The following CADM2 variants were observed in gnomAD, a reference collection of about 807,000 sequenced individuals.
CADM2 encodes cell adhesion molecule 2, also known as immunoglobulin superfamily member 4D.
CADM2 carries 12 observed loss-of-function variants against 49.8 expected under a neutral mutation model. That is an observed-to-expected ratio of 0.24 (90% confidence interval 0.15 to 0.39). The LOEUF is 0.39. Ranked by LOEUF, CADM2 falls within the 10% of genes least tolerant of loss-of-function variation. The pLI, the probability that CADM2 is intolerant of heterozygous loss-of-function variation, is 1.00. For synonymous variants in CADM2, 214 were observed against 175.4 expected (o/e 1.22, Z -1.74); for missense variants, 378 against 492.3 (o/e 0.77, Z 2.20).
intron 1 of CADM2, among the ~76,000 whole-genome samples, chr3:85,271,193 T>C (rs1410495141): frequency 6.6e-6 from 1 of 151,402 alleles, no homozygotes; most frequent in African/African-American, 2.4e-5. Context: ...GTGAATTCAA[T>C]CTCTAATTTG....
chr3:85,557,138 T>A (rs550125369), intron 1 of CADM2, among the ~76,000 whole-genome samples: 123 of 152,174 alleles, frequency 8.1e-4, no homozygotes, highest in Non-Finnish European at 1.4e-3. Context: ...TTTATCTTAA[T>A]ACATCTAGAT....
chr3:85,140,464 A>G (rs2039544277), intron 1 of CADM2, among the ~76,000 whole-genome samples: 1 of 152,326 alleles, frequency 6.6e-6, no homozygotes, highest in East Asian at 1.9e-4. Flanking sequence ...GTACATTGGT[A>G]GTATATCTTA....
intron 9 of CADM2, 104 bp downstream of exon 9, chr3:86,065,834 A>T: frequency 9.2e-7 from 1 of 1,081,166 alleles, no homozygotes; most frequent in Non-Finnish European, 1.3e-6. Flanking sequence ...ACATGTGTAG[A>T]ATAGGGAGAT....
intron 1 of CADM2, among the ~76,000 whole-genome samples, chr3:85,599,455 GA>G (rs2063335406): frequency 6.6e-6 from 1 of 151,856 alleles, no homozygotes; most frequent in African/African-American, 2.4e-5. Context: ...AGCAGAGCTC[GA>G]ACTCTGTTCA....
At position 85,117,616 on chromosome 3, in the gene CADM2, A is replaced by G. The variant is rs557078781; in HGVS notation, c.61+157948A>G. On this transcript the variant is annotated intron_variant, in intron 1 of 9. Transcript: ENST00000383699. The stretch of plus-strand genomic sequence containing the variant: ...AATATAGCATTACAGTTGTAAAATG[A>G]TAAACATAATATCACTAATGAATTG... 2.1e-4 allele frequency among the ~76,000 whole-genome samples: 32 copies of G among 152,320 alleles called. 1 individual carries two copies. In the South Asian group the frequency reaches 5.4e-3, roughly 26 times the overall value.
chr3:85,541,100 TAAA>T (rs765800437), intron 1 of CADM2, among the ~76,000 whole-genome samples: 2 of 151,262 alleles, frequency 1.3e-5, no homozygotes, highest in Non-Finnish European at 2.9e-5. Context: ...ATTATTATAA[TAAA>T]ATATAATCTA....
chr3:85,901,925 G>A (rs1716182336), intron 5 of CADM2, among the ~76,000 whole-genome samples: 2 of 152,138 alleles, frequency 1.3e-5, no homozygotes, highest in South Asian at 4.2e-4. Flanking sequence ...CTTAGCATAA[G>A]CTAATATCAT....
chr3:85,522,927 A>G (rs551894424), intron 1 of CADM2, among the ~76,000 whole-genome samples: 18 of 151,818 alleles, frequency 1.2e-4, no homozygotes, highest in African/African-American at 4.1e-4. Flanking sequence ...AAGAAACACA[A>G]TGTAATTTTA....
intron 1 of CADM2, among the ~76,000 whole-genome samples, chr3:85,123,569 A>C (rs2038933547): frequency 6.6e-6 from 1 of 152,122 alleles, no homozygotes; most frequent in Admixed American, 6.6e-5. Flanking sequence ...CATTTATTTA[A>C]GTGGATGATT....
intron 2 of CADM2, among the ~76,000 whole-genome samples, chr3:85,755,336 A>G (rs906155398): frequency 1.3e-5 from 2 of 152,296 alleles, no homozygotes; most frequent in Middle Eastern, 6.8e-3. Flanking sequence ...ACAACCCAGG[A>G]ATAGCCAAAT....
At chr3:85,190,619 G>T (rs2041186034) in intron 1 of CADM2, among the ~76,000 whole-genome samples, 1 of 152,144 alleles carries the variant, frequency 6.6e-6, no homozygotes, top group East Asian at 1.9e-4. Flanking sequence ...TAAAAGAAAG[G>T]CGATAATTTT....
intron 2 of CADM2, among the ~76,000 whole-genome samples, chr3:85,733,629 G>C (rs1204974357): frequency 1.3e-5 from 2 of 152,034 alleles, no homozygotes; most frequent in Non-Finnish European, 2.9e-5. Context: ...AAATAGGTTT[G>C]AGCTTCACTG....
intron 1 of CADM2, among the ~76,000 whole-genome samples, chr3:85,138,986 A>G (rs1187162093): frequency 1.3e-5 from 2 of 152,182 alleles, no homozygotes; most frequent in African/African-American, 2.4e-5. Flanking sequence ...GTAACACAGC[A>G]CATTTGAGTT....
chr3:85,491,375 T>C (rs976555602), intron 1 of CADM2, among the ~76,000 whole-genome samples: 1 of 152,218 alleles, frequency 6.6e-6, no homozygotes, highest in Non-Finnish European at 1.5e-5. Context: ...TTTGGTTTGG[T>C]TGAATTGAAT....
At chr3:85,182,789 TGTCTA>T (rs1014426893) in intron 1 of CADM2, among the ~76,000 whole-genome samples, 1 of 152,104 alleles carries the variant, frequency 6.6e-6, no homozygotes, top group Non-Finnish European at 1.5e-5. Context: ...TTATTGTGCT[TGTCTA>T]AAGTGCTTTT....
At chr3:85,119,721 T>A (rs1189243414) in intron 1 of CADM2, among the ~76,000 whole-genome samples, 2 of 152,224 alleles carry the variant, frequency 1.3e-5, no homozygotes, top group African/African-American at 2.4e-5. Flanking sequence ...ATCACTTCTC[T>A]TGTAAGTTTT....
chr3:86,033,648 C>T (rs1214578212), intron 8 of CADM2, among the ~76,000 whole-genome samples: 1 of 146,392 alleles, frequency 6.8e-6, no homozygotes, highest in Non-Finnish European at 1.5e-5. Context: ...TTCTGATCCA[C>T]TTCATTTCAA....
At chr3:85,490,523 G>A (rs1188988432) in intron 1 of CADM2, among the ~76,000 whole-genome samples, 2 of 152,122 alleles carry the variant, frequency 1.3e-5, no homozygotes, top group African/African-American at 2.4e-5. Flanking sequence ...GCTTGAGGCT[G>A]CAGTAAGCTA....
chr3:85,746,158 C>T (rs1033316041), intron 2 of CADM2, among the ~76,000 whole-genome samples: 1 of 152,310 alleles, frequency 6.6e-6, no homozygotes, highest in Middle Eastern at 3.4e-3. Context: ...ACTAGAACCT[C>T]ATTATGAACA....
Sources: gnomAD v4.1 joint callset for allele counts (sites outside exome capture counted in the v4.1 genomes callset) on GRCh38, gnomAD v4.1.1 for gene constraint, MANE v1.5 for transcripts, NCBI Gene and HGNC (gene_info 2026-07-23, HGNC 2026-07-21) for gene names.